The following ZNF609 variants were observed in gnomAD, a reference collection of about 807,000 sequenced individuals.
ZNF609 encodes zinc finger protein 609.
Under a neutral mutation model 109.5 loss-of-function variants are expected in ZNF609, and 11 were observed. The observed-to-expected ratio is 0.10, with a 90% confidence interval of 0.06 to 0.17. ZNF609 has a LOEUF of 0.17. ZNF609 is among the 10% of genes least tolerant of loss of function. ZNF609 has a pLI of 1.00. For synonymous variants in ZNF609, 646 were observed against 662.0 expected (o/e 0.98, Z 0.37); for missense variants, 1,559 against 1,772.4 (o/e 0.88, Z 2.16).
In ZNF609 at chr15:64,668,848, G is replaced by A. The variant is rs534139135; in HGVS notation, c.974-1498G>A. ...CATGCCTATAATCCTAGCTACTTGGGAGGCTGAGGCGGAGAATTGCTTGAA... is the reference window on the plus strand; with the variant it reads ...CATGCCTATAATCCTAGCTACTTGGAAGGCTGAGGCGGAGAATTGCTTGAA... On this transcript the variant is annotated intron_variant, in intron 3 of 9. Transcript: ENST00000326648. 4.6e-5 allele frequency among the ~76,000 whole-genome samples: 7 copies of A among 150,916 alleles called. No individual in the cohort carries two copies. In the South Asian group the frequency reaches 1.5e-3, roughly 32 times the overall value.
At chr15:64,599,353 C>G (rs538080035) in intron 2 of ZNF609, among the ~76,000 whole-genome samples, 2 of 152,072 alleles carry the variant, frequency 1.3e-5, no homozygotes, top group Non-Finnish European at 2.9e-5. Context: ...GCTCCAAAGA[C>G]TGAGATGTTT....
intron 1 of ZNF609, among the ~76,000 whole-genome samples, chr15:64,481,059 C>A (rs149371305): frequency 2.5e-4 from 38 of 152,254 alleles, no homozygotes; most frequent in African/African-American, 8.2e-4. Context: ...TGATTAAGTT[C>A]AGCATTCTTC....
At chr15:64,528,634 T>A (rs1381559189) in intron 2 of ZNF609, 1 of 863,332 alleles carries the variant, frequency 1.2e-6, no homozygotes, top group East Asian at 2.6e-5. Flanking sequence ...TGTCTTCCTC[T>A]CATGCTGTCG....
At chr15:64,609,311 G>A (rs946117959) in intron 2 of ZNF609, among the ~76,000 whole-genome samples, 6 of 151,392 alleles carry the variant, frequency 4.0e-5, no homozygotes, top group African/African-American at 9.7e-5. Context: ...TCAGCCTCTC[G>A]AATATCTAAG....
At chr15:64,638,045 ATATG>A (rs1473382715) in intron 3 of ZNF609, among the ~76,000 whole-genome samples, 10 of 146,230 alleles carry the variant, frequency 6.8e-5, no homozygotes, top group East Asian at 5.9e-4. Context: ...ATATATATAT[ATATG>A]TATTTACATC....
At chr15:64,488,621 TAAGAG>T (rs1169694457) in intron 1 of ZNF609, among the ~76,000 whole-genome samples, 1 of 152,192 alleles carries the variant, frequency 6.6e-6, no homozygotes, top group African/African-American at 2.4e-5. Context: ...TATTTTTTGA[TAAGAG>T]AAGTTTTCTT....
intron 3 of ZNF609, among the ~76,000 whole-genome samples, chr15:64,627,493 AT>A (rs928349175): frequency 6.6e-6 from 1 of 152,084 alleles, no homozygotes; most frequent in Non-Finnish European, 1.5e-5. Flanking sequence ...AATTTATGGT[AT>A]AGTGGAAGGA....
intron 2 of ZNF609, among the ~76,000 whole-genome samples, chr15:64,537,030 CTGGCCAACA>C (rs1326635195): frequency 6.6e-6 from 1 of 151,686 alleles, no homozygotes; most frequent in East Asian, 1.9e-4. Context: ...TGAGACCAGC[CTGGCCAACA>C]TGGCGAAACC....
intron 2 of ZNF609, among the ~76,000 whole-genome samples, chr15:64,603,154 C>T (rs911250512): frequency 6.6e-6 from 1 of 151,996 alleles, no homozygotes; most frequent in Admixed American, 6.6e-5. Flanking sequence ...AATAATTTGC[C>T]ATTGTTGCTG....
chr15:64,515,337 C>T (rs558654581), intron 2 of ZNF609, among the ~76,000 whole-genome samples: 159 of 152,276 alleles, frequency 1.0e-3, no homozygotes, highest in Admixed American at 3.4e-3. Flanking sequence ...ATTGCAATTG[C>T]CCTGGAGGAC....
intron 2 of ZNF609, among the ~76,000 whole-genome samples, chr15:64,543,518 A>C (rs1363486452): frequency 1.4e-5 from 2 of 147,836 alleles, no homozygotes; most frequent in East Asian, 4.0e-4. Flanking sequence ...ATCTCGGCTC[A>C]CTGCAACCTC....
chr15:64,504,032 C>T (rs1388018938), intron 2 of ZNF609, among the ~76,000 whole-genome samples: 2 of 152,202 alleles, frequency 1.3e-5, no homozygotes, highest in African/African-American at 4.8e-5. Flanking sequence ...TGATCCAAGG[C>T]TTTCTTAACG....
chr15:64,481,403 C>T (rs1331792500), intron 1 of ZNF609, among the ~76,000 whole-genome samples: 5 of 150,888 alleles, frequency 3.3e-5, no homozygotes, highest in South Asian at 2.1e-4. Context: ...TCACCGCAAC[C>T]TCTGCCTCCC....
At chr15:64,517,101 T>A (rs542199020) in intron 2 of ZNF609, among the ~76,000 whole-genome samples, 2 of 152,192 alleles carry the variant, frequency 1.3e-5, no homozygotes, top group Non-Finnish European at 2.9e-5. Flanking sequence ...CTGGGCTGGG[T>A]ACGCTGGCTC....
At chr15:64,680,143 A>G (rs372160934) in intron 6 of ZNF609, 42 bp from the exon 7 acceptor site, 9 of 1,603,956 alleles carry the variant, frequency 5.6e-6, no homozygotes, top group Admixed American at 3.4e-5. Context: ...AGTTTCCTCT[A>G]CCTCTCCCAT....
At chr15:64,564,263 C>T (rs1216313400) in intron 2 of ZNF609, among the ~76,000 whole-genome samples, 3 of 151,990 alleles carry the variant, frequency 2.0e-5, no homozygotes, top group Admixed American at 1.3e-4. Context: ...TTCAGGTACC[C>T]ACCGGGGGTC....
chr15:64,647,296 G>T (rs530352169), intron 3 of ZNF609, among the ~76,000 whole-genome samples: 2 of 152,048 alleles, frequency 1.3e-5, no homozygotes, highest in Non-Finnish European at 2.9e-5. Flanking sequence ...ATTAAGGGCC[G>T]TGGGGAGCAT....
chr15:64,495,077 G>A (rs1392231460), intron 1 of ZNF609, among the ~76,000 whole-genome samples: 2 of 148,164 alleles, frequency 1.3e-5, no homozygotes, highest in East Asian at 4.0e-4. Context: ...TTTAAAAAGT[G>A]TAATGGCAGT....
At chr15:64,588,651 CTTTT>C (rs71133452) in intron 2 of ZNF609, among the ~76,000 whole-genome samples, 2 of 135,800 alleles carry the variant, frequency 1.5e-5, no homozygotes, top group Non-Finnish European at 3.2e-5. Flanking sequence ...GGTCTGTAGT[CTTTT>C]TTTTTTTTTT....
Sources: gnomAD v4.1 joint callset for allele counts (sites outside exome capture counted in the v4.1 genomes callset) on GRCh38, gnomAD v4.1.1 for gene constraint, MANE v1.5 for transcripts, NCBI Gene and HGNC (gene_info 2026-07-23, HGNC 2026-07-21) for gene names.